ARHGAP22: variants seen among roughly 807,000 people sequenced by gnomAD.
ARHGAP22 encodes rho GTPase-activating protein 22.
ARHGAP22 carries 48 observed loss-of-function variants against 59.1 expected under a neutral mutation model. The observed-to-expected ratio is 0.81, with a 90% CI of 0.64 to 1.03. The LOEUF is 1.03. Ranked by LOEUF, ARHGAP22 falls within the 50% of genes least tolerant of loss-of-function variation. The pLI is 0.00. For synonymous variants in ARHGAP22, 445 were observed against 416.4 expected, an observed-to-expected ratio of 1.07 and a Z score of -0.84; for missense variants, 1,015 against 958.7, an observed-to-expected ratio of 1.06 and a Z score of -0.78.
intron 3 of ARHGAP22, among the ~76,000 whole-genome samples, chr10:48,554,687 G>C (rs997158192): frequency 6.6e-6 from 1 of 152,156 alleles, no homozygotes; most frequent in South Asian, 2.1e-4. Flanking sequence ...GGTGGGTAGA[G>C]CCCCAGCCTC....
chr10:48,655,256 T>TGGGGGGGGGGGGG (rs1230624457), upstream of ARHGAP22, among the ~76,000 whole-genome samples: 1 of 9,894 alleles, frequency 1.0e-4, no homozygotes, highest in African/African-American at 3.1e-4. Context: ...TGTGTGTGTG[T>TGGGGGGGGGGGGG]GGGGGGGGGG....
At chr10:48,645,158 A>G (rs1486031147) in intron 1 of ARHGAP22, among the ~76,000 whole-genome samples, 5 of 152,190 alleles carry the variant, frequency 3.3e-5, no homozygotes, top group Non-Finnish European at 7.4e-5. Context: ...ATAATCATAC[A>G]TATACATGCA....
intron 2 of ARHGAP22, among the ~76,000 whole-genome samples, chr10:48,560,680 A>G (rs2057629610): frequency 6.6e-6 from 1 of 152,104 alleles, no homozygotes; most frequent in Non-Finnish European, 1.5e-5. Flanking sequence ...GCTCCTTTGT[A>G]TGCCTGGTTT....
In ARHGAP22 at chr10:48,450,819, G is replaced by C; in HGVS notation, c.1310C>G (p.Ser437Cys). The change falls in exon 9 of 10, where the codon TCC (serine) becomes TGC (cysteine). Residue 437 changes from serine to cysteine, a missense_variant. Transcript: ENST00000249601. ...SWKSSFRQPR[S>C]LSGSPKGGGS... The stretch of plus-strand genomic sequence containing the variant: ...GCCCCCCTTCGGGCTTCCCGATAGG[G>C]ACCTCGGCTGCCGGAAGGAGGACTT... The C allele has an allele frequency of 1.3e-6, 2 of 1,585,394 alleles. No individual in the cohort carries two copies. The highest frequency in any genetic ancestry group is 1.7e-6 in the Non-Finnish European group (2 of 1,166,622).
chr10:48,503,131 C>T (rs753520147), intron 3 of ARHGAP22, among the ~76,000 whole-genome samples: 6 of 152,276 alleles, frequency 3.9e-5, no homozygotes, highest in Middle Eastern at 3.4e-3. Context: ...CACCAAGGAA[C>T]GTGGTGCCAT....
intron 1 of ARHGAP22, among the ~76,000 whole-genome samples, chr10:48,610,751 T>C (rs1005925237): frequency 6.6e-6 from 1 of 152,190 alleles, no homozygotes; most frequent in Non-Finnish European, 1.5e-5. Context: ...TCCGAGCAGA[T>C]GACCCGCTGG....
At chr10:48,551,908 T>C (rs2056925200) in intron 3 of ARHGAP22, among the ~76,000 whole-genome samples, 1 of 152,196 alleles carries the variant, frequency 6.6e-6, no homozygotes, top group African/African-American at 2.4e-5. Context: ...AATTTTAGTG[T>C]GTGGCTTTGG....
chr10:48,589,845 A>T (rs190329896), intron 1 of ARHGAP22, among the ~76,000 whole-genome samples: 1 of 152,242 alleles, frequency 6.6e-6, no homozygotes, highest in East Asian at 1.9e-4. Flanking sequence ...TCCTACACAC[A>T]GTTCTAAAAA....
chr10:48,498,986 TCCA>T (rs2051231315), intron 3 of ARHGAP22, among the ~76,000 whole-genome samples: 1 of 151,688 alleles, frequency 6.6e-6, no homozygotes, highest in Non-Finnish European at 1.5e-5. Flanking sequence ...TAAGAAGGAC[TCCA>T]CCAAGAGACC....
At chr10:48,439,804 TC>T in the ARHGAP22 span, among the ~76,000 whole-genome samples, 9 of 152,206 alleles carry the variant, frequency 5.9e-5, no homozygotes, top group African/African-American at 2.2e-4. Context: ...TGCAGTACCT[TC>T]CCAGCCACTG....
At chr10:48,492,944 C>T (rs1361654431) in intron 3 of ARHGAP22, among the ~76,000 whole-genome samples, 1 of 152,188 alleles carries the variant, frequency 6.6e-6, no homozygotes, top group Non-Finnish European at 1.5e-5. Flanking sequence ...GCATTAATTT[C>T]AACATGTCAA....
At chr10:48,504,554 C>T (rs911431947) in intron 3 of ARHGAP22, among the ~76,000 whole-genome samples, 2 of 152,178 alleles carry the variant, frequency 1.3e-5, no homozygotes, top group Non-Finnish European at 2.9e-5. Context: ...AACTCAGGAA[C>T]AGCAGGGGCT....
At chr10:48,444,717 G>A (rs529026870), downstream of ARHGAP22, 3 of 152,332 alleles carry the variant, frequency 2.0e-5, no homozygotes, top group Admixed American at 2.0e-4. Flanking sequence ...AAACTCAACA[G>A]GGTCATCAGG....
rs543184493 is a variant in ARHGAP22 at position 48,453,307 on chromosome 10, C to T, written c.985G>A (p.Glu329Lys). The T allele has an allele frequency of 1.2e-6, 2 of 1,613,732 alleles. No homozygotes were observed. Among genetic ancestry groups the T allele is most frequent in the East Asian group, 2.2e-5 (1 of 44,880 alleles). Reference protein sequence around the residue: ...PQVEDPVTIMEGTSLVQHLMT... With the variant: ...PQVEDPVTIMKGTSLVQHLMT... Reference sequence around the variant, plus strand: ...ACCAGGTACACCTCCCACTTACCTTCCATGATGGTTACTGGGTCCTCTACC... The same window carrying T: ...ACCAGGTACACCTCCCACTTACCTTTCATGATGGTTACTGGGTCCTCTACC... Residue 329 changes from glutamate (E) to lysine (K), a missense_variant, in exon 8 of 10, where the codon GAA becomes AAA. Glu to Lys is a moderately conservative substitution (Grantham distance 56). Coordinates refer to ENST00000249601, the MANE Select transcript of ARHGAP22 (RefSeq NM_021226.4).
chr10:48,652,151 A>T (rs2062594129), intron 1 of ARHGAP22: 1 of 1,308,846 alleles, frequency 7.6e-7, no homozygotes. Flanking sequence ...AGACCAAGAC[A>T]GCCTCCGGGG....
intron 3 of ARHGAP22, among the ~76,000 whole-genome samples, chr10:48,543,050 G>A (rs1462739285): frequency 6.6e-6 from 1 of 152,176 alleles, no homozygotes; most frequent in African/African-American, 2.4e-5. Flanking sequence ...CATGTATGGA[G>A]CAACTTGGGG....
intron 3 of ARHGAP22, among the ~76,000 whole-genome samples, chr10:48,536,677 T>C (rs1028608611): frequency 2.0e-5 from 3 of 152,166 alleles, no homozygotes; most frequent in African/African-American, 7.2e-5. Flanking sequence ...GTGGGCTTTG[T>C]CTGGAATTTT....
At chr10:48,500,647 C>G (rs1016759591) in intron 3 of ARHGAP22, among the ~76,000 whole-genome samples, 2 of 151,922 alleles carry the variant, frequency 1.3e-5, no homozygotes, top group Admixed American at 6.6e-5. Context: ...CAGCACTTTG[C>G]GAGGCTGAGG....
chr10:48,576,684 G>A (rs2058730329), intron 2 of ARHGAP22, among the ~76,000 whole-genome samples: 1 of 152,126 alleles, frequency 6.6e-6, no homozygotes, highest in African/African-American at 2.4e-5. Flanking sequence ...GGCTTATCAT[G>A]AGGCAGCAAA....
Sources: gnomAD v4.1 joint callset for allele counts (sites outside exome capture counted in the v4.1 genomes callset) on GRCh38, gnomAD v4.1.1 for gene constraint, MANE v1.5 for transcripts, NCBI Gene and HGNC (gene_info 2026-07-23, HGNC 2026-07-21) for gene names.